Variants in RAD51B observed in about 807,000 individuals in gnomAD.
The protein encoded by RAD51B is RAD51 paralog B.
A neutral mutation model predicts 42.2 loss-of-function variants in RAD51B; 38 were observed. The ratio of observed to expected loss-of-function variants is 0.90; its 90% CI spans 0.70 to 1.18. The LOEUF is 1.18. Among genes scored for constraint, RAD51B ranks in the 50% most tolerant of loss-of-function variants. RAD51B has a pLI of 0.00. For missense variants in RAD51B, 373 were observed against 400.7 expected (o/e 0.93, Z 0.59); for synonymous variants, 154 against 145.2 (o/e 1.06, Z -0.43).
chr14:68,022,620 T>A (rs1017995542), intron 7 of RAD51B, among the ~76,000 whole-genome samples: 2 of 152,128 alleles, frequency 1.3e-5, no homozygotes, highest in Non-Finnish European at 2.9e-5. Context: ...CATTTTTTCA[T>A]GTTTGTTGGC....
At chr14:68,582,635 C>T (rs1043519395) in intron 10 of RAD51B, among the ~76,000 whole-genome samples, 5 of 152,176 alleles carry the variant, frequency 3.3e-5, no homozygotes, top group African/African-American at 1.2e-4. Context: ...CCATTTGACC[C>T]AGCAATCCCA....
intron 11 of RAD51B, among the ~76,000 whole-genome samples, chr14:68,676,921 C>T (rs1893318098): frequency 6.6e-6 from 1 of 152,212 alleles, no homozygotes; most frequent in East Asian, 1.9e-4. Flanking sequence ...CTTGCAGCGC[C>T]ACACTAGGCT....
chr14:68,462,677 C>A (rs761986147), intron 9 of RAD51B, among the ~76,000 whole-genome samples: 2 of 152,158 alleles, frequency 1.3e-5, no homozygotes, highest in Non-Finnish European at 2.9e-5. Flanking sequence ...AGGCCCGACA[C>A]CTCCAAAGAA....
downstream of RAD51B, among the ~76,000 whole-genome samples, chr14:68,600,785 C>T (rs1457533565): frequency 6.6e-6 from 1 of 152,170 alleles, no homozygotes; most frequent in East Asian, 1.9e-4. Context: ...TAGGGAAAAG[C>T]TGGTGGCAGG....
chr14:67,826,015 C>T (rs1389071446), intron 3 of RAD51B, among the ~76,000 whole-genome samples: 1 of 152,166 alleles, frequency 6.6e-6, no homozygotes, highest in African/African-American at 2.4e-5. Flanking sequence ...CAGGCGTGAG[C>T]CACCGTGCCT....
At chr14:68,332,028 A>C (rs958076867) in intron 8 of RAD51B, among the ~76,000 whole-genome samples, 1 of 152,240 alleles carries the variant, frequency 6.6e-6, no homozygotes, top group South Asian at 2.1e-4. Flanking sequence ...AAAGCCCCAA[A>C]CAACAGCAGC....
chr14:68,116,545 G>A lies in RAD51B; in HGVS notation c.757-175339G>A, dbSNP rs144603933. Among the ~76,000 whole-genome samples, 4 of 152,172 alleles carry A rather than the reference G, an allele frequency of 2.6e-5. No individual in the cohort carries two copies. The East Asian group carries it at 7.7e-4, about 29-fold the overall frequency. On this transcript the variant is annotated intron_variant, in intron 7 of 10. Transcript: ENST00000471583. ...CATAGGAATCTGCCCTTCGATTAGT[G>A]AGAAAATACGGTCTTCTGTTGAAGC...
chr14:68,411,475 A>G lies in RAD51B; in HGVS notation c.905A>G (p.His302Arg). ...GCCGCACTAGGAAATACCTGGAGTCACAGTGTGAATACCCGGCTGATCCTC... is the reference window on the plus strand; with the variant it reads ...GCCGCACTAGGAAATACCTGGAGTCGCAGTGTGAATACCCGGCTGATCCTC... ...VIAALGNTWS[H>R]SVNTRLILQY... Residue 302 changes from histidine (H) to arginine (R), a missense_variant, in exon 9 of 11, where the codon CAC becomes CGC. By Grantham distance (29) the His-to-Arg change is conservative (BLOSUM62 0). Coordinates refer to ENST00000471583, the MANE Select transcript of RAD51B (RefSeq NM_133510.4). 6.2e-7 allele frequency: 1 copy of G among 1,614,192 alleles called. No homozygotes were observed. The highest frequency in any genetic ancestry group is 8.5e-7 in the Non-Finnish European group (1 of 1,180,024).
At chr14:68,120,502 C>G (rs1045235555) in intron 7 of RAD51B, among the ~76,000 whole-genome samples, 1 of 152,164 alleles carries the variant, frequency 6.6e-6, no homozygotes, top group Non-Finnish European at 1.5e-5. Flanking sequence ...AGGTGCCTAA[C>G]AAAAACTGGC....
chr14:67,842,401 T>TG (rs1788927931), intron 4 of RAD51B, among the ~76,000 whole-genome samples: 1 of 152,216 alleles, frequency 6.6e-6, no homozygotes, highest in South Asian at 2.1e-4. Flanking sequence ...CTTTTTGAGA[T>TG]GGAGTCTCAC....
chr14:68,656,795 G>A (rs575867208), intron 11 of RAD51B, among the ~76,000 whole-genome samples: 3 of 152,074 alleles, frequency 2.0e-5, no homozygotes, highest in Admixed American at 6.5e-5. Context: ...AGAGAGGACC[G>A]GGCTGAGCTC....
At chr14:68,210,355 A>C (rs1008914033) in intron 7 of RAD51B, among the ~76,000 whole-genome samples, 1 of 152,246 alleles carries the variant, frequency 6.6e-6, no homozygotes, top group Admixed American at 6.5e-5. Context: ...ACCATGCCTG[A>C]AGCAAATAAA....
chr14:68,648,718 GAA>G (rs1892637796), intron 10 of RAD51B, among the ~76,000 whole-genome samples: 1 of 113,846 alleles, frequency 8.8e-6, no homozygotes, highest in African/African-American at 3.1e-5. Flanking sequence ...CACACACAGG[GAA>G]AAACAAGTTA....
chr14:68,377,724 G>T (rs999289067), intron 8 of RAD51B, among the ~76,000 whole-genome samples: 5 of 152,232 alleles, frequency 3.3e-5, no homozygotes, highest in African/African-American at 1.2e-4. Flanking sequence ...CTCTGCTTTC[G>T]AAATCAAGCA....
intron 11 of RAD51B, among the ~76,000 whole-genome samples, chr14:68,674,502 ATT>A (rs1893264112): frequency 6.6e-6 from 1 of 151,750 alleles, no homozygotes; most frequent in African/African-American, 2.4e-5. Flanking sequence ...ATGAATATAT[ATT>A]TTAATTAAAA....
Position 68,251,719 on chromosome 14 carries a change from C to G in RAD51B, c.757-40165C>G, listed in dbSNP as rs1334238660. Among the ~76,000 whole-genome samples the G allele has an allele frequency of 2.6e-5, 4 of 152,272 alleles. No individual in the cohort carries two copies. In the East Asian group the frequency reaches 7.7e-4, roughly 29 times the overall value. On this transcript the variant is annotated intron_variant, in intron 7 of 10. Coordinates refer to ENST00000471583, the MANE Select transcript of RAD51B (RefSeq NM_133510.4). ...CATTTCTCTACTGAACTTTTTCCAA[C>G]TTTCAGTGCTGTGCTTTTCCATCTC...
chr14:68,067,113 A>C (rs1199992192), intron 7 of RAD51B, among the ~76,000 whole-genome samples: 2 of 152,182 alleles, frequency 1.3e-5, no homozygotes, highest in Admixed American at 1.3e-4. Flanking sequence ...CACTTATGGA[A>C]TGAAGTGGGA....
At chr14:68,501,253 T>G (rs1884898448) in intron 10 of RAD51B, among the ~76,000 whole-genome samples, 1 of 152,198 alleles carries the variant, frequency 6.6e-6, no homozygotes, top group Non-Finnish European at 1.5e-5. Flanking sequence ...TCTGGCCTCC[T>G]CCCAGACTTA....
intron 7 of RAD51B, among the ~76,000 whole-genome samples, chr14:68,132,069 G>T (rs565686765): frequency 1.9e-4 from 29 of 152,184 alleles, no homozygotes; most frequent in Non-Finnish European, 3.5e-4. Flanking sequence ...CAGTAAACCT[G>T]GCAGTCACAT....
Sources: allele counts gnomAD v4.1 joint callset (sites outside exome capture counted in the v4.1 genomes callset), GRCh38; gene constraint gnomAD v4.1.1; transcripts MANE v1.5; gene names NCBI Gene and HGNC (gene_info 2026-07-23, HGNC 2026-07-21).